The following LRR1 variants were observed in gnomAD, a reference collection of about 807,000 sequenced individuals.
LRR1 encodes the protein leucine rich repeat protein 1.
Under a neutral mutation model 31.6 loss-of-function variants are expected in LRR1, and 29 were observed. The observed-to-expected ratio is 0.92, with a 90% CI of 0.68 to 1.25. The LOEUF is 1.25. Among genes scored for constraint, LRR1 ranks in the 50% most tolerant of loss-of-function variants. The pLI, the probability that LRR1 is intolerant of heterozygous loss-of-function variation, is 0.00. For missense variants in LRR1, 485 were observed against 487.2 expected (o/e 1.00, Z 0.04); for synonymous variants, 179 against 181.4 (o/e 0.99, Z 0.10).
At position 49,599,231 on chromosome 14, in the gene LRR1, T is replaced by C. The variant is rs369305858; in HGVS notation, c.183+28T>C. The C allele has an allele frequency of 5.5e-5, 85 of 1,557,192 alleles. 2 individuals carry two copies. The Middle Eastern group carries it at 5.0e-3, about 91-fold the overall frequency. On this transcript the variant is annotated intron_variant, in intron 1 of 3. Transcript: ENST00000298288. ...GCGTGAAGTGGGCAGGCCCTGTCAG[T>C]CTCGCGTTCTTCTTGGAAGCCGAGA...
In LRR1 at chr14:49,607,802, C is replaced by T. The variant is rs7148147; in HGVS notation, c.685C>T (p.Arg229Trp). 0.21 allele frequency: 344,748 copies of T among 1,613,650 alleles called. 39,513 individuals carry two copies. Among genetic ancestry groups the T allele is most frequent in the Admixed American group, 0.32 (19,364 of 59,946 alleles). The change falls in exon 3 of 4, where the codon CGG becomes TGG. Residue 229 changes from arginine (R) to tryptophan (W), a missense_variant. By Grantham distance (101) the Arg-to-Trp change is moderately radical. Around this residue, in one of 3 missense-constraint regions of LRR1, gnomAD observed 15 missense variants for 37.2 expected, o/e 0.40. Coordinates refer to ENST00000298288, the MANE Select transcript of LRR1 (RefSeq NM_152329.4). ...LCHSTLQKSL[R>W]SLDLSKNKIK... is the part of the protein sequence containing the mutation. ...TCATTCTACACTCCAGAAGTCACTT[C>T]GGAGTTTGGACCTCAGCAAGAACAA...
chr14:49,607,432 A>G lies in LRR1; in HGVS notation c.315A>G (p.Ser105=). The G allele has an allele frequency of 6.3e-7, 1 of 1,586,904 alleles. No homozygotes were observed. The highest frequency in any genetic ancestry group is 8.5e-7 in the Non-Finnish European group (1 of 1,169,902). ...AISSSLKGFL[S]AMRLAHRGCN... The stretch of plus-strand genomic sequence containing the variant: ...CCAGCAGTTTAAAAGGTTTCCTTTC[A>G]GCTATGAGACTGGCTCATAGAGGCT... The change falls in exon 3 of 4, where the codon TCA becomes TCG. Residue 105 remains serine, a synonymous_variant. Coordinates refer to ENST00000298288, the MANE Select transcript of LRR1 (RefSeq NM_152329.4).
intron 1 of LRR1, among the ~76,000 whole-genome samples, chr14:49,601,835 AAAAACTTT>A: frequency 6.6e-6 from 1 of 151,836 alleles, no homozygotes; most frequent in Admixed American, 6.6e-5. Context: ...AAAAAAAAAA[AAAAACTTT>A]AAAACTTGGC....
rs1882621662 is a variant in LRR1 at position 49,614,364 on chromosome 14, T to C, written c.1113T>C (p.Thr371=). Residue 371 remains threonine (T), a synonymous_variant, in exon 4 of 4, where the codon ACT becomes ACC. Transcript: ENST00000298288. ...GTCTGAACTCTTTCATTCAAGGAAC[T>C]ACTACCATGAATCTGCATTCTGTTG... ...RFCLNSFIQG[T]TTMNLHSVAH... is the part of the protein sequence containing the mutation. 2.5e-6 allele frequency: 4 copies of C among 1,613,982 alleles called. No homozygotes were observed. Among genetic ancestry groups the C allele is most frequent in the Non-Finnish European group, 3.4e-6 (4 of 1,179,990 alleles).
chr14:49,606,077 C>T (rs1387026624), intron 2 of LRR1, among the ~76,000 whole-genome samples: 2 of 149,158 alleles, frequency 1.3e-5, no homozygotes, highest in Admixed American at 6.7e-5. Context: ...CCCAGGCTGC[C>T]GTGCAGTCTT....
intron 3 of LRR1, among the ~76,000 whole-genome samples, chr14:49,609,532 G>C (rs1882433741): frequency 6.7e-6 from 1 of 150,352 alleles, no homozygotes; most frequent in Admixed American, 6.6e-5. Context: ...AGCCTCCTAA[G>C]TAGCTGAAAC....
chr14:49,608,406 A>ATTTTTT lies in LRR1; in HGVS notation c.1004+321_1004+326dup, dbSNP rs71408651. Among the ~76,000 whole-genome samples the ATTTTTT allele has an allele frequency of 3.3e-3, 69 of 21,090 alleles. 6 individuals are homozygous for ATTTTTT. The highest frequency in any genetic ancestry group is 0.013 in the South Asian group (3 of 236). 13.8% of individuals were successfully genotyped at this position (21,090 alleles called of 152,430 possible). A position where few individuals can be genotyped will look rare whatever the true frequency, so the allele number is the denominator to read the frequency against. On this transcript the variant is annotated intron_variant, in intron 3 of 3. Coordinates refer to ENST00000298288, the MANE Select transcript of LRR1 (RefSeq NM_152329.4). Reference sequence around the variant, plus strand: ...ATTCCTTCCCTCCTTACATTGCTTGATTTTTTTTTTTTTTTTTTTTTTTTT... The same window carrying ATTTTTT: ...ATTCCTTCCCTCCTTACATTGCTTGATTTTTTTTTTTTTTTTTTTTTTTTTTTTTTT...
chr14:49,601,628 C>G, intron 1 of LRR1: 1 of 1,289,546 alleles, frequency 7.8e-7, no homozygotes, highest in Non-Finnish European at 1.0e-6. Context: ...CCACCCCAGG[C>G]TAATGGACTG....
intron 2 of LRR1, chr14:49,603,553 TGGAGTC>T: frequency 4.2e-6 from 1 of 240,434 alleles, no homozygotes; most frequent in Non-Finnish European, 6.9e-6. Context: ...TTTTTTGAGA[TGGAGTC>T]TCATTCTGTC....
chr14:49,609,650 G>C (rs1003392603), intron 3 of LRR1, among the ~76,000 whole-genome samples: 8 of 151,498 alleles, frequency 5.3e-5, no homozygotes, highest in African/African-American at 1.9e-4. Context: ...CTTGTGATCT[G>C]CCCACTTTGG....
chr14:49,605,438 C>G (rs1173463442), intron 2 of LRR1, among the ~76,000 whole-genome samples: 2 of 152,146 alleles, frequency 1.3e-5, no homozygotes, highest in Non-Finnish European at 2.9e-5. Flanking sequence ...AATTCATTGT[C>G]TCCACTTTTT....
At chr14:49,603,619 G>A in intron 2 of LRR1, 10 of 1,072,346 alleles carry the variant, frequency 9.3e-6, no homozygotes, top group Non-Finnish European at 1.1e-5. Flanking sequence ...CAACCCACAG[G>A]TGGGTGCCAC....
intron 2 of LRR1, 141 bp from the exon 3 acceptor site, chr14:49,607,259 T>TAA: frequency 1.1e-6 from 1 of 916,310 alleles, no homozygotes; most frequent in South Asian, 2.7e-5. Flanking sequence ...AATAAAGTAC[T>TAA]AAAAAAAAGT....
Position 49,607,774 on chromosome 14 carries a change from G to A in LRR1, c.657G>A (p.Leu219=). The change falls in exon 3 of 4, where the codon TTG becomes TTA. Residue 219 remains leucine, a synonymous_variant. Transcript: ENST00000298288. The stretch of plus-strand genomic sequence containing the variant: ...ACTTGGAGTCATTTAGTGTAGCCTT[G>A]TGTCATTCTACACTCCAGAAGTCAC... ...DNHLESFSVA[L]CHSTLQKSLR... 6.2e-7 allele frequency: 1 copy of A among 1,614,064 alleles called. No individual in the cohort carries two copies. Among genetic ancestry groups the A allele is most frequent in the East Asian group, 2.2e-5 (1 of 44,874 alleles).
At chr14:49,600,366 C>G in intron 1 of LRR1, 1 of 1,583,970 alleles carries the variant, frequency 6.3e-7, no homozygotes. Context: ...TCAGATTGAT[C>G]TCCGAGATGA....
At chr14:49,602,606 C>G (rs756482784) in intron 2 of LRR1, 138 bp downstream of exon 2, 1 of 652,498 alleles carries the variant, frequency 1.5e-6, no homozygotes, top group Admixed American at 2.8e-5. Context: ...TAGGCTCAAG[C>G]GAGCCTCCTG....
At chr14:49,609,702 T>G (rs1334259406) in intron 3 of LRR1, among the ~76,000 whole-genome samples, 1 of 151,654 alleles carries the variant, frequency 6.6e-6, no homozygotes, top group Non-Finnish European at 1.5e-5. Context: ...CCACCGCGCC[T>G]GGCCTTATTT....
At chr14:49,609,677 G>A (rs536775677) in intron 3 of LRR1, among the ~76,000 whole-genome samples, 1 of 151,582 alleles carries the variant, frequency 6.6e-6, no homozygotes, top group Non-Finnish European at 1.5e-5. Context: ...AAAGTGCCGG[G>A]ATTACAGGTG....
In LRR1 at chr14:49,613,799, C is replaced by T. The variant is rs1255320921; in HGVS notation, c.1005-457C>T. On this transcript the variant is annotated intron_variant, in intron 3 of 3. Transcript: ENST00000298288. ...CTGCACTCTAGCCTGGGTGTCAAAG[C>T]GAGACTCTGTCTCAAAAAGTAAAAA... Among the ~76,000 whole-genome samples the T allele has an allele frequency of 5.3e-5, 8 of 152,240 alleles. No homozygotes were observed. The South Asian group carries it at 1.0e-3, about 20-fold the overall frequency.
Sources: allele counts gnomAD v4.1 joint callset (sites outside exome capture counted in the v4.1 genomes callset), GRCh38; gene constraint gnomAD v4.1.1; regional missense constraint gnomAD v4.1.1; transcripts MANE v1.5; gene names NCBI Gene and HGNC (gene_info 2026-07-23, HGNC 2026-07-21).